NPAS3: variants seen among roughly 807,000 people sequenced by gnomAD.
NPAS3 encodes the protein neuronal PAS domain-containing protein 3.
In NPAS3, 14 loss-of-function variants were observed where a neutral mutation model predicts 73.1. The ratio of observed to expected loss-of-function variants is 0.19; its 90% CI spans 0.13 to 0.30. The LOEUF is 0.30. NPAS3 is among the 10% of genes least tolerant of loss of function. NPAS3 has a pLI of 1.00. For missense variants in NPAS3, 1,096 were observed against 1,250.0 expected (o/e 0.88, Z 1.86); for synonymous variants, 620 against 541.5 (o/e 1.14, Z -2.01).
chr14:33,764,902 G>C (rs909002486), intron 7 of NPAS3, among the ~76,000 whole-genome samples: 2 of 152,196 alleles, frequency 1.3e-5, no homozygotes, highest in Non-Finnish European at 2.9e-5. Context: ...TTCTACCCAT[G>C]GTCCTGTTTT....
intron 5 of NPAS3, among the ~76,000 whole-genome samples, chr14:33,574,721 A>T (rs898628260): frequency 6.6e-6 from 1 of 152,188 alleles, no homozygotes; most frequent in Non-Finnish European, 1.5e-5. Flanking sequence ...CAAGAGAGGG[A>T]TCCTCATTGA....
chr14:33,565,560 T>G (rs563650324), intron 5 of NPAS3, among the ~76,000 whole-genome samples: 1 of 152,206 alleles, frequency 6.6e-6, no homozygotes, highest in South Asian at 2.1e-4. Flanking sequence ...TTGAGGTTAG[T>G]ATGTGGCTAA....
intron 3 of NPAS3, among the ~76,000 whole-genome samples, chr14:33,304,098 G>A (rs1202610967): frequency 1.3e-5 from 2 of 152,080 alleles, no homozygotes; most frequent in Non-Finnish European, 2.9e-5. Flanking sequence ...TAGTAAAGAC[G>A]GGGTTCACTA....
At chr14:33,287,739 A>G (rs2041936348) in intron 3 of NPAS3, among the ~76,000 whole-genome samples, 2 of 152,160 alleles carry the variant, frequency 1.3e-5, no homozygotes, top group Non-Finnish European at 2.9e-5. Context: ...TTCAGAGCTA[A>G]TAATTCATTT....
intron 1 of NPAS3, among the ~76,000 whole-genome samples, chr14:33,044,066 A>C (rs1293357663): frequency 6.6e-6 from 1 of 152,200 alleles, no homozygotes; most frequent in Admixed American, 6.5e-5. Flanking sequence ...TGTTAGTATC[A>C]CTTGCATTCA....
chr14:33,246,412 A>G (rs2048377018), intron 3 of NPAS3, among the ~76,000 whole-genome samples: 1 of 151,064 alleles, frequency 6.6e-6, no homozygotes. Flanking sequence ...GGTGGCGGGC[A>G]CGTGTAGTCC....
At chr14:33,771,923 T>C (rs969937899) in intron 7 of NPAS3, among the ~76,000 whole-genome samples, 3 of 152,162 alleles carry the variant, frequency 2.0e-5, no homozygotes, top group Admixed American at 1.3e-4. Context: ...GGAAACATAG[T>C]TCCAGGCACT....
intron 3 of NPAS3, among the ~76,000 whole-genome samples, chr14:33,366,636 G>C (rs977824974): frequency 6.6e-6 from 1 of 152,142 alleles, no homozygotes; most frequent in Non-Finnish European, 1.5e-5. Flanking sequence ...GCCATCTTAG[G>C]ATGCTTAACA....
At chr14:32,957,366 A>C (rs1490510222) in intron 1 of NPAS3, among the ~76,000 whole-genome samples, 1 of 145,914 alleles carries the variant, frequency 6.9e-6, no homozygotes, top group African/African-American at 2.5e-5. Context: ...ATAAGTATTC[A>C]TTTTCATTTT....
At chr14:33,764,240 G>C (rs546266541) in intron 7 of NPAS3, among the ~76,000 whole-genome samples, 1 of 152,132 alleles carries the variant, frequency 6.6e-6, no homozygotes, top group African/African-American at 2.4e-5. Flanking sequence ...TCGGCGGAGG[G>C]GTACACGGCT....
At chr14:33,493,069 C>T (rs924889981) in intron 4 of NPAS3, among the ~76,000 whole-genome samples, 4 of 152,134 alleles carry the variant, frequency 2.6e-5, no homozygotes, top group African/African-American at 9.7e-5. Flanking sequence ...GTTACATTCT[C>T]ACTGCGTGAG....
At chr14:33,639,831 T>C (rs146186776) in intron 5 of NPAS3, among the ~76,000 whole-genome samples, 101 of 152,324 alleles carry the variant, frequency 6.6e-4, no homozygotes, top group Admixed American at 3.2e-3. Flanking sequence ...CCTCAGGAAT[T>C]TAGTGGTAAA....
intron 3 of NPAS3, among the ~76,000 whole-genome samples, chr14:33,305,133 A>C (rs1274883927): frequency 6.6e-6 from 1 of 152,086 alleles, no homozygotes; most frequent in Non-Finnish European, 1.5e-5. Flanking sequence ...AAAGTATGGG[A>C]TTAGGGCTAA....
intron 3 of NPAS3, among the ~76,000 whole-genome samples, chr14:33,276,121 C>T (rs1433406560): frequency 6.6e-6 from 1 of 152,108 alleles, no homozygotes; most frequent in Non-Finnish European, 1.5e-5. Flanking sequence ...ACCACATCAC[C>T]ATTAGATCTT....
At chr14:33,774,418 G>C (rs776193624) in exon 8 of NPAS3, 1 of 1,614,196 alleles carries the variant, frequency 6.2e-7, no homozygotes, top group Non-Finnish European at 8.5e-7. Flanking sequence ...CATGGGTCTC[G>C]TGGTTGTTGC....
intron 3 of NPAS3, among the ~76,000 whole-genome samples, chr14:33,270,999 A>G (rs1220259275): frequency 2.6e-5 from 4 of 152,222 alleles, no homozygotes; most frequent in Non-Finnish European, 2.9e-5. Context: ...AAAAGCATAG[A>G]AATTTATTTG....
At chr14:33,373,854 A>G (rs2046203160) in intron 4 of NPAS3, among the ~76,000 whole-genome samples, 1 of 152,154 alleles carries the variant, frequency 6.6e-6, no homozygotes, top group Non-Finnish European at 1.5e-5. Flanking sequence ...CTCCAAGAAC[A>G]TTCTAAGATT....
chr14:33,781,604 A>C (rs1174448788), intron 9 of NPAS3, among the ~76,000 whole-genome samples: 1 of 152,234 alleles, frequency 6.6e-6, no homozygotes, highest in Non-Finnish European at 1.5e-5. Context: ...TTCTAAAACA[A>C]AGGGATGGTT....
At chr14:33,700,401 C>T (rs1368553713) in intron 6 of NPAS3, among the ~76,000 whole-genome samples, 2 of 152,204 alleles carry the variant, frequency 1.3e-5, no homozygotes. Context: ...ATATGCAAAA[C>T]ATTTGTGCTT....
Sources: allele counts gnomAD v4.1 joint callset (sites outside exome capture counted in the v4.1 genomes callset), GRCh38; gene constraint gnomAD v4.1.1; transcripts MANE v1.5; gene names NCBI Gene and HGNC (gene_info 2026-07-23, HGNC 2026-07-21).